Variants in STT3B observed in about 807,000 individuals in gnomAD.
The protein encoded by STT3B is dolichyl-diphosphooligosaccharide--protein glycosyltransferase subunit STT3B.
A neutral mutation model predicts 96.8 loss-of-function variants in STT3B; 29 were observed. The observed-to-expected ratio is 0.30, with a 90% confidence interval of 0.22 to 0.41. The LOEUF (loss-of-function observed/expected upper bound fraction) is 0.41, where lower values mean the gene tolerates loss of function less well. STT3B is among the 10% of genes least tolerant of loss of function. The pLI, the probability that STT3B is intolerant of heterozygous loss-of-function variation, is 1.00. For missense variants in STT3B, 640 were observed against 1,022.3 expected, an observed-to-expected ratio of 0.63 and a Z score of 5.10; for synonymous variants, 367 against 360.0, an observed-to-expected ratio of 1.02 and a Z score of -0.22.
intron 5 of STT3B, among the ~76,000 whole-genome samples, chr3:31,611,685 C>T (rs1321112134): frequency 1.3e-5 from 2 of 151,834 alleles, no homozygotes; most frequent in Admixed American, 6.6e-5. Context: ...TTAGTAGAGA[C>T]GGGGTTTCTC....
chr3:31,610,895 A>G (rs2125469393), intron 5 of STT3B, among the ~76,000 whole-genome samples: 1 of 152,346 alleles, frequency 6.6e-6, no homozygotes, highest in Admixed American at 6.5e-5. Flanking sequence ...CTGTGCATCC[A>G]CAGGATGGCA....
At chr3:31,635,930 T>G (rs1406858273) in intron 15 of STT3B, 54 bp from the exon 16 acceptor site, 1 of 1,358,992 alleles carries the variant, frequency 7.4e-7, no homozygotes, top group Non-Finnish European at 1.0e-6. Context: ...TGTTTATAGA[T>G]TTTTTAATCA....
Position 31,623,847 on chromosome 3 carries a change from A to C in STT3B, c.1713A>C (p.Ser571=). 1 of 1,602,068 alleles carries C rather than the reference A, an allele frequency of 6.2e-7. No individual in the cohort carries two copies. Among genetic ancestry groups the C allele is most frequent in the Non-Finnish European group, 8.5e-7 (1 of 1,173,116 alleles). The change falls in exon 11 of 16, where the codon TCA becomes TCC. Residue 571 remains serine (S), a synonymous_variant. Transcript: ENST00000295770. ...CTAGTCCAAGTGTAGTCCTGGCCTC[A>C]TACAATCATGATGGGTAAGAAAATA... is the stretch of plus-strand genomic sequence containing the variant. ...AYSSPSVVLA[S]YNHDGTRNIL...
At chr3:31,534,878 T>C (rs2125431469) in intron 1 of STT3B, among the ~76,000 whole-genome samples, 1 of 152,298 alleles carries the variant, frequency 6.6e-6, no homozygotes, top group Middle Eastern at 3.4e-3. Flanking sequence ...GTAGACTATT[T>C]ATGAGCCTAA....
intron 3 of STT3B, among the ~76,000 whole-genome samples, chr3:31,585,140 A>G (rs866537733): frequency 2.0e-5 from 3 of 152,092 alleles, no homozygotes; most frequent in Admixed American, 6.6e-5. Context: ...TTATTTGTTG[A>G]TGCCCTATTA....
chr3:31,613,818 G>A (rs529691701), intron 5 of STT3B, among the ~76,000 whole-genome samples: 2 of 151,930 alleles, frequency 1.3e-5, no homozygotes, highest in Non-Finnish European at 2.9e-5. Flanking sequence ...GTTTGGGTAC[G>A]TCATAGAGGG....
rs201227383 is a variant in STT3B, at chr3:31,535,467, T to TA, written c.314+2157dup. Among the ~76,000 whole-genome samples the TA allele has an allele frequency of 4.7e-3, 721 of 152,278 alleles. 7 individuals carry two copies. The highest frequency in any genetic ancestry group is 0.016 in the African/African-American group (658 of 41,552). On this transcript the variant is annotated intron_variant, in intron 1 of 15. Coordinates refer to ENST00000295770, the MANE Select transcript of STT3B (RefSeq NM_178862.3). ...GGTCGGGCGCGGTGGCTCACGCCTG[T>TA]AATCCCAGCACTTCGGAAAGCCGAG...
At chr3:31,619,946 T>C in intron 9 of STT3B, 116 bp downstream of exon 9, 1 of 1,508,114 alleles carries the variant, frequency 6.6e-7, no homozygotes, top group Non-Finnish European at 8.8e-7. Flanking sequence ...AGATAAATTT[T>C]CTCCTTTATT....
intron 2 of STT3B, among the ~76,000 whole-genome samples, chr3:31,579,272 T>G (rs1698327949): frequency 6.6e-6 from 1 of 152,036 alleles, no homozygotes; most frequent in East Asian, 1.9e-4. Context: ...CTAGCTAGAC[T>G]GTTCCCTCTT....
intron 1 of STT3B, among the ~76,000 whole-genome samples, chr3:31,548,866 A>G (rs1254254198): frequency 2.0e-5 from 3 of 152,194 alleles, no homozygotes; most frequent in Admixed American, 6.5e-5. Context: ...TTACACTTCT[A>G]AGCAAAATAA....
intron 13 of STT3B, among the ~76,000 whole-genome samples, chr3:31,628,975 G>A (rs918798465): frequency 3.9e-5 from 6 of 152,086 alleles, no homozygotes; most frequent in South Asian, 2.1e-4. Context: ...GCGTGGTGCC[G>A]TGGGCCTGTA....
intron 1 of STT3B, among the ~76,000 whole-genome samples, chr3:31,545,054 G>A (rs140920689): frequency 3.7e-4 from 57 of 152,226 alleles, no homozygotes; most frequent in African/African-American, 1.4e-3. Context: ...CGCTAAAGAA[G>A]GCTTTTATTT....
chr3:31,539,574 C>T (rs1697204837), intron 1 of STT3B, among the ~76,000 whole-genome samples: 3 of 152,060 alleles, frequency 2.0e-5, no homozygotes. Flanking sequence ...TATTCAGGTG[C>T]CCCAACTTAA....
At chr3:31,605,119 A>G (rs1378250116) in intron 5 of STT3B, among the ~76,000 whole-genome samples, 2 of 152,196 alleles carry the variant, frequency 1.3e-5, no homozygotes, top group Non-Finnish European at 2.9e-5. Flanking sequence ...CAGATAGACA[A>G]AAGAGTTCAA....
intron 3 of STT3B, among the ~76,000 whole-genome samples, chr3:31,591,700 G>A (rs1359496153): frequency 4.6e-5 from 7 of 151,918 alleles, no homozygotes; most frequent in Admixed American, 2.0e-4. Context: ...ATCTATGTAT[G>A]TTATCTACCT....
At chr3:31,564,638 G>T (rs1476452196) in intron 1 of STT3B, among the ~76,000 whole-genome samples, 2 of 152,134 alleles carry the variant, frequency 1.3e-5, no homozygotes, top group Non-Finnish European at 2.9e-5. Context: ...TAGGCTGGGG[G>T]TTTCTTTTCT....
chr3:31,544,685 G>T (rs955279737), intron 1 of STT3B, among the ~76,000 whole-genome samples: 2 of 152,146 alleles, frequency 1.3e-5, no homozygotes, highest in Non-Finnish European at 2.9e-5. Context: ...GCATTTGCAC[G>T]GGGCGCGGTG....
intron 1 of STT3B, among the ~76,000 whole-genome samples, chr3:31,562,918 G>A (rs557489869): frequency 1.3e-5 from 2 of 152,306 alleles, no homozygotes; most frequent in Admixed American, 6.5e-5. Context: ...GCTTTCGCGT[G>A]GACTTCAGGC....
rs544855415 is a variant in STT3B, at chr3:31,625,944, A to T, written c.1900-10A>T. The T allele has an allele frequency of 2.6e-6, 4 of 1,556,996 alleles. No homozygotes were observed. The highest frequency in any genetic ancestry group is 2.6e-6 in the Non-Finnish European group (3 of 1,156,972). On this transcript the variant is annotated splice_polypyrimidine_tract_variant and intron_variant, in intron 12 of 15. Coordinates refer to ENST00000295770, the MANE Select transcript of STT3B (RefSeq NM_178862.3). ...TCAAAAACATTCTCATTTTTTTTTA[A>T]ATTCTGCAGGTGGGAAAAGCTATGT...
Sources: gnomAD v4.1 joint callset for allele counts (sites outside exome capture counted in the v4.1 genomes callset) on GRCh38, gnomAD v4.1.1 for gene constraint, MANE v1.5 for transcripts, NCBI Gene and HGNC (gene_info 2026-07-23, HGNC 2026-07-21) for gene names.